The following COX16 variants were observed in gnomAD, a reference collection of about 807,000 sequenced individuals.
The protein encoded by COX16 is cytochrome c oxidase assembly factor COX16.
A neutral mutation model predicts 15.4 loss-of-function variants in COX16; 12 were observed. That is an observed-to-expected ratio of 0.78 (90% CI 0.50 to 1.26). COX16 has a LOEUF of 1.26. COX16 is among the 50% of genes most tolerant of loss of function. The pLI, the probability that COX16 is intolerant of heterozygous loss-of-function variation, is 0.00. For synonymous variants in COX16, 46 were observed against 41.1 expected (o/e 1.12, Z -0.46); for missense variants, 124 against 127.6 (o/e 0.97, Z 0.14).
chr14:70,340,389 T>C (rs963631225), intron 2 of COX16, among the ~76,000 whole-genome samples: 1 of 152,180 alleles, frequency 6.6e-6, no homozygotes, highest in African/African-American at 2.4e-5. Context: ...AGGTCTTTAT[T>C]AGCAGTGTGA....
intron 1 of COX16, among the ~76,000 whole-genome samples, chr14:70,351,728 G>C (rs1248350938): frequency 6.6e-6 from 1 of 152,062 alleles, no homozygotes; most frequent in East Asian, 1.9e-4. Context: ...ACAGAACACA[G>C]TTTATTTACT....
intron 1 of COX16, among the ~76,000 whole-genome samples, chr14:70,352,343 T>C (rs1207382474): frequency 6.6e-6 from 1 of 151,468 alleles, no homozygotes; most frequent in Non-Finnish European, 1.5e-5. Context: ...TCCACTGCCA[T>C]ACCCAGCTAA....
In COX16 at chr14:70,326,469, T is replaced by C; in HGVS notation, c.205-20A>G. ...GATTTTCTATAGAACCACAAAAAATTAAAGTATAAATATTAGTATAAGAGC... is the reference window on the plus strand; with the variant it reads ...GATTTTCTATAGAACCACAAAAAATCAAAGTATAAATATTAGTATAAGAGC... On this transcript the variant is annotated intron_variant, in intron 3 of 3. Transcript: ENST00000389912. The C allele has an allele frequency of 1.3e-6, 2 of 1,551,678 alleles. No homozygotes were observed. Among genetic ancestry groups the C allele is most frequent in the Non-Finnish European group, 1.7e-6 (2 of 1,153,016 alleles).
At chr14:70,326,737 TGAAG>T (rs1417223366) in intron 3 of COX16, among the ~76,000 whole-genome samples, 1 of 152,154 alleles carries the variant, frequency 6.6e-6, no homozygotes. Context: ...AGGAAAAGGC[TGAAG>T]CTGGGAAAAC....
At chr14:70,351,829 TTA>T (rs1262219916) in intron 1 of COX16, among the ~76,000 whole-genome samples, 3 of 152,190 alleles carry the variant, frequency 2.0e-5, no homozygotes, top group African/African-American at 7.2e-5. Flanking sequence ...TTATAAAAGT[TTA>T]TGTTTTATAG....
At chr14:70,346,187 G>A (rs1412414670) in intron 1 of COX16, among the ~76,000 whole-genome samples, 1 of 152,126 alleles carries the variant, frequency 6.6e-6, no homozygotes, top group Non-Finnish European at 1.5e-5. Context: ...CCGATATTCG[G>A]TGCAAGCTTC....
intron 3 of COX16, chr14:70,328,072 A>ATTTTTTTGTTTTTTTTTTTTTTTTTT (rs1886143379): frequency 1.2e-5 from 1 of 80,840 alleles, no homozygotes; most frequent in Non-Finnish European, 2.2e-5. Flanking sequence ...TGAGAATAAG[A>ATTTTTTTGTTTTTTTTTTTTTTTTTT]TTTTTTTTTT....
At chr14:70,355,486 T>A (rs149301469) in intron 1 of COX16, among the ~76,000 whole-genome samples, 1 of 152,144 alleles carries the variant, frequency 6.6e-6, no homozygotes, top group Non-Finnish European at 1.5e-5. Context: ...CAACATTCCA[T>A]ACAGACATGA....
chr14:70,326,197 T>A lies in COX16; in HGVS notation c.*136A>T. ...GTACATGACCTTTAGTGAAGATTAT[T>A]TGTCATCAAATTACCCATATCCAAG... On this transcript the variant is annotated 3_prime_UTR_variant, in exon 4 of 4. Transcript: ENST00000389912. 3.4e-6 allele frequency: 2 copies of A among 582,860 alleles called. No homozygotes were observed. The highest frequency in any genetic ancestry group is 5.2e-6 in the Non-Finnish European group (2 of 388,034). The allele number at this position is 582,860 out of a possible 1,614,324, so 36.1% of individuals were successfully genotyped here. A position where few individuals can be genotyped will look rare whatever the true frequency, so the allele number is the denominator to read the frequency against.
At chr14:70,343,047 AAAAAAC>A (rs1335703225) in intron 1 of COX16, among the ~76,000 whole-genome samples, 13 of 151,274 alleles carry the variant, frequency 8.6e-5, no homozygotes, top group East Asian at 3.9e-4. Context: ...TTTGCTAAGA[AAAAAAC>A]AAAAACAAAA....
rs550075967 is a variant in COX16 at position 70,325,246 on chromosome 14, G to C, written c.*1087C>G. ...CTCAGCATGAAACCAGAAGGTAGAA[G>C]CTGATAAAGGCAGGGGTAAAAAGGA... On this transcript the variant is annotated 3_prime_UTR_variant, in exon 4 of 4. Coordinates refer to ENST00000389912, the MANE Select transcript of COX16 (RefSeq NM_016468.7). The C allele has an allele frequency of 6.6e-6, 1 of 152,314 alleles. No individual in the cohort carries two copies. Among genetic ancestry groups the C allele is most frequent in the South Asian group, 2.1e-4 (1 of 4,814 alleles). 9.4% of individuals were successfully genotyped at this position (152,314 alleles called of 1,614,324 possible).
intron 2 of COX16, among the ~76,000 whole-genome samples, chr14:70,332,943 T>C (rs1886336351): frequency 6.6e-6 from 1 of 152,172 alleles, no homozygotes; most frequent in African/African-American, 2.4e-5. Flanking sequence ...CACAGATCCA[T>C]TTGGGCCAAA....
chr14:70,345,837 A>G (rs1594920869), intron 1 of COX16, among the ~76,000 whole-genome samples: 1 of 151,742 alleles, frequency 6.6e-6, no homozygotes, highest in African/African-American at 2.4e-5. Context: ...GTTCGATCCA[A>G]CTGACTGCTA....
chr14:70,329,469 CAT>C (rs2140678570), intron 2 of COX16, among the ~76,000 whole-genome samples: 1 of 152,054 alleles, frequency 6.6e-6, no homozygotes, highest in African/African-American at 2.4e-5. Flanking sequence ...GGCATTTTGA[CAT>C]ATATTATCTT....
intron 1 of COX16, among the ~76,000 whole-genome samples, chr14:70,343,759 A>C (rs1886691971): frequency 6.6e-6 from 1 of 152,228 alleles, no homozygotes; most frequent in Non-Finnish European, 1.5e-5. Context: ...AAAAGATTTA[A>C]ACTTCATAAT....
chr14:70,342,120 TAAC>T (rs1212598766), intron 2 of COX16, among the ~76,000 whole-genome samples: 1 of 152,202 alleles, frequency 6.6e-6, no homozygotes, highest in Non-Finnish European at 1.5e-5. Flanking sequence ...GGGAGAATGC[TAAC>T]AACATTGCAA....
chr14:70,330,819 CTATT>C (rs1405219204), intron 2 of COX16, among the ~76,000 whole-genome samples: 4 of 152,040 alleles, frequency 2.6e-5, no homozygotes, highest in Non-Finnish European at 5.9e-5. Flanking sequence ...AATTTCTTAT[CTATT>C]AAGAGAATAT....
intron 2 of COX16, among the ~76,000 whole-genome samples, chr14:70,334,490 C>A (rs2332421): frequency 0.47 from 71,539 of 152,042 alleles, 17,529 homozygotes; most frequent in South Asian, 0.57. Context: ...GCACTCCAGC[C>A]TAGGCAATAA....
At chr14:70,354,625 C>A (rs906234786) in intron 1 of COX16, among the ~76,000 whole-genome samples, 9 of 152,168 alleles carry the variant, frequency 5.9e-5, no homozygotes, top group Non-Finnish European at 1.3e-4. Flanking sequence ...GCATGCAGGA[C>A]CCTCCTGGAC....
Sources: allele counts gnomAD v4.1 joint callset (sites outside exome capture counted in the v4.1 genomes callset), GRCh38; gene constraint gnomAD v4.1.1; transcripts MANE v1.5; gene names NCBI Gene and HGNC (gene_info 2026-07-23, HGNC 2026-07-21).